Variants in NT5C3A observed in about 807,000 individuals in gnomAD.
NT5C3A encodes the protein cytosolic 5'-nucleotidase 3A.
A neutral mutation model predicts 40.0 loss-of-function variants in NT5C3A; 23 were observed. The ratio of observed to expected loss-of-function variants is 0.58; its 90% CI spans 0.41 to 0.81. NT5C3A has a LOEUF of 0.81. NT5C3A is among the 40% of genes least tolerant of loss of function. The probability of loss-of-function intolerance (pLI) is 0.00; values close to 1 mark genes in which losing one functional copy is unlikely to be tolerated. For synonymous variants in NT5C3A, 130 were observed against 141.4 expected, an observed-to-expected ratio of 0.92 and a Z score of 0.57; for missense variants, 328 against 403.0, an observed-to-expected ratio of 0.81 and a Z score of 1.59.
chr7:33,057,691 G>A (rs1787624093), intron 1 of NT5C3A, among the ~76,000 whole-genome samples: 1 of 152,134 alleles, frequency 6.6e-6, no homozygotes, highest in South Asian at 2.1e-4. Context: ...ACTGGTTGTA[G>A]AGGTTCTAGT....
At chr7:33,047,711 G>A (rs1289078681) in intron 1 of NT5C3A, among the ~76,000 whole-genome samples, 1 of 152,042 alleles carries the variant, frequency 6.6e-6, no homozygotes, top group Non-Finnish European at 1.5e-5. Flanking sequence ...TTACTAAAAC[G>A]GGGGTCTTTT....
chr7:33,036,127 A>T (rs1013940952), intron 1 of NT5C3A: 19 of 695,002 alleles, frequency 2.7e-5, no homozygotes, highest in Non-Finnish European at 4.1e-5. Flanking sequence ...TTTGTTTTTT[A>T]AAAATGTTTA....
chr7:33,023,946 T>C, intron 3 of NT5C3A, 93 bp downstream of exon 3: 1 of 794,600 alleles, frequency 1.3e-6, no homozygotes, highest in Non-Finnish European at 2.2e-6. Context: ...AAGAAGAATT[T>C]TAAAAACCCA....
At chr7:33,046,751 T>C (rs1248195828) in intron 1 of NT5C3A, among the ~76,000 whole-genome samples, 1 of 151,960 alleles carries the variant, frequency 6.6e-6, no homozygotes, top group African/African-American at 2.4e-5. Flanking sequence ...GAGTCTTTCC[T>C]GGCTCTCCTT....
chr7:33,030,336 T>C (rs535669653), intron 1 of NT5C3A, among the ~76,000 whole-genome samples: 1 of 152,364 alleles, frequency 6.6e-6, no homozygotes, highest in African/African-American at 2.4e-5. Context: ...CATACTTTTG[T>C]TACCTCCACA....
chr7:33,045,055 C>T (rs1433272945), intron 1 of NT5C3A, among the ~76,000 whole-genome samples: 1 of 152,196 alleles, frequency 6.6e-6, no homozygotes, highest in Non-Finnish European at 1.5e-5. Flanking sequence ...ATCCAATTAC[C>T]TTTCCAACAA....
At chr7:33,039,651 A>G (rs1432539914) in intron 1 of NT5C3A, among the ~76,000 whole-genome samples, 2 of 145,186 alleles carry the variant, frequency 1.4e-5, no homozygotes, top group Non-Finnish European at 3.0e-5. Context: ...TGGCTGTAAT[A>G]ATTTGGTGGG....
chr7:33,059,768 G>A (rs1881749), intron 1 of NT5C3A, among the ~76,000 whole-genome samples: 104,765 of 152,098 alleles, frequency 0.69, 36,340 homozygotes, highest in Admixed American at 0.72. Context: ...ACAAAGTCCC[G>A]TTGATTTTAT....
At chr7:33,019,840 A>G (rs1785529762) in intron 5 of NT5C3A, 116 bp from the exon 6 acceptor site, 2 of 696,276 alleles carry the variant, frequency 2.9e-6, no homozygotes, top group Non-Finnish European at 5.1e-6. Context: ...TTGGATTTAA[A>G]TTTTAGAGAT....
intron 1 of NT5C3A, among the ~76,000 whole-genome samples, chr7:33,057,781 G>T (rs1283268818): frequency 6.6e-6 from 1 of 152,068 alleles, no homozygotes; most frequent in East Asian, 1.9e-4. Context: ...AAATCGTTGA[G>T]AGATATATTT....
At chr7:33,039,562 G>GTTTTTTTTTTTT (rs770430109) in intron 1 of NT5C3A, among the ~76,000 whole-genome samples, 1 of 120,512 alleles carries the variant, frequency 8.3e-6, no homozygotes, top group African/African-American at 3.3e-5. Flanking sequence ...TGGGTTTTTT[G>GTTTTTTTTTTTT]TTTTTTTTTT....
chr7:33,050,534 G>C (rs1230250438), intron 1 of NT5C3A, among the ~76,000 whole-genome samples: 1 of 152,162 alleles, frequency 6.6e-6, no homozygotes, highest in African/African-American at 2.4e-5. Flanking sequence ...TGATATCGGA[G>C]ATAAGGCAAA....
intron 1 of NT5C3A, among the ~76,000 whole-genome samples, chr7:33,042,609 T>C (rs1251769452): frequency 6.6e-6 from 1 of 152,220 alleles, no homozygotes; most frequent in African/African-American, 2.4e-5. Context: ...GGTAAGAATT[T>C]AAAATACATC....
chr7:33,029,574 A>AT (rs1470942287), intron 1 of NT5C3A: 1 of 979,314 alleles, frequency 1.0e-6, no homozygotes, highest in Non-Finnish European at 1.4e-6. Flanking sequence ...ATCATAGACT[A>AT]TTTTTTCACC....
intron 1 of NT5C3A, chr7:33,029,550 A>C (rs1397101676): frequency 1.4e-6 from 1 of 713,508 alleles, no homozygotes. Flanking sequence ...TGGTGAAAGC[A>C]ACACAGGATA....
At chr7:33,028,992 T>C (rs888266375) in intron 1 of NT5C3A, among the ~76,000 whole-genome samples, 1 of 151,394 alleles carries the variant, frequency 6.6e-6, no homozygotes, top group Non-Finnish European at 1.5e-5. Flanking sequence ...GAGGCAGAGC[T>C]TGAAAAAAAA....
intron 1 of NT5C3A, among the ~76,000 whole-genome samples, chr7:33,044,149 T>C (rs945164817): frequency 4.6e-5 from 7 of 151,976 alleles, no homozygotes; most frequent in Non-Finnish European, 7.4e-5. Flanking sequence ...TGCCTCAGCC[T>C]TCCTGAGTAG....
intron 1 of NT5C3A, among the ~76,000 whole-genome samples, chr7:33,035,079 G>T (rs2049758): frequency 0.76 from 116,269 of 152,056 alleles, 44,884 homozygotes; most frequent in African/African-American, 0.86. Flanking sequence ...CTAGGAACTT[G>T]ACGTTTTCAC....
chr7:33,045,214 T>A (rs1474711795), intron 1 of NT5C3A, among the ~76,000 whole-genome samples: 1 of 152,220 alleles, frequency 6.6e-6, no homozygotes, highest in African/African-American at 2.4e-5. Context: ...TCTTGCTAAT[T>A]GCTGCATGAT....
Sources: gnomAD v4.1 joint callset for allele counts (sites outside exome capture counted in the v4.1 genomes callset) on GRCh38, gnomAD v4.1.1 for gene constraint, MANE v1.5 for transcripts, NCBI Gene and HGNC (gene_info 2026-07-23, HGNC 2026-07-21) for gene names.